The following SHQ1 variants were observed in gnomAD, a reference collection of about 807,000 sequenced individuals.
The protein encoded by SHQ1 is SHQ1, H/ACA ribonucleoprotein assembly factor.
SHQ1 carries 49 observed loss-of-function variants against 53.8 expected under a neutral mutation model. That is an observed-to-expected ratio of 0.91 (90% CI 0.72 to 1.16). The LOEUF (loss-of-function observed/expected upper bound fraction) is 1.16, where lower values mean the gene tolerates loss of function less well. Ranked by LOEUF, SHQ1 falls within the 50% of genes most tolerant of loss-of-function variation. SHQ1 has a pLI of 0.00. For missense variants in SHQ1, 738 were observed against 683.1 expected (o/e 1.08, Z -0.90); for synonymous variants, 243 against 251.0 (o/e 0.97, Z 0.30).
intron 10 of SHQ1, among the ~76,000 whole-genome samples, chr3:72,784,049 G>A (rs1325145244): frequency 1.3e-5 from 2 of 150,962 alleles, no homozygotes; most frequent in African/African-American, 2.4e-5. Context: ...GGTTAACAGA[G>A]AAACCTGGGT....
chr3:72,744,366 C>A (rs1705219899), downstream of SHQ1, among the ~76,000 whole-genome samples: 1 of 152,198 alleles, frequency 6.6e-6, no homozygotes, highest in African/African-American at 2.4e-5. Flanking sequence ...GAAGCAAGAC[C>A]CTTCCCAGAG....
At chr3:72,759,878 A>AT (rs1355965417) in intron 10 of SHQ1, among the ~76,000 whole-genome samples, 2 of 152,238 alleles carry the variant, frequency 1.3e-5, no homozygotes, top group African/African-American at 4.8e-5. Context: ...TAACAAAATT[A>AT]TATTACAGCA....
chr3:72,836,172 T>C (rs1707985244), intron 4 of SHQ1, among the ~76,000 whole-genome samples: 1 of 152,170 alleles, frequency 6.6e-6, no homozygotes, highest in Non-Finnish European at 1.5e-5. Context: ...TCTACTCTCA[T>C]GGGAAGGAGA....
At position 72,750,383 on chromosome 3, in the gene SHQ1, T is replaced by C. The variant is rs372665421; in HGVS notation, c.1635A>G (p.Gln545=). 1.4e-5 allele frequency: 22 copies of C among 1,614,056 alleles called. No individual in the cohort carries two copies. The African/African-American group carries it at 2.3e-4, about 17-fold the overall frequency. Reference sequence around the variant, plus strand: ...CAGAAACCTGAACTGTAGTCTTCAGTTGTTCCCCAAGCTCCTCTATCAGAG... The same window carrying C: ...CAGAAACCTGAACTGTAGTCTTCAGCTGTTCCCCAAGCTCCTCTATCAGAG... The part of the protein sequence containing the change: ...SGPLIEELGE[Q]LKTTVQVSEP... Residue 545 remains glutamine, a synonymous_variant, in exon 11 of 11, where the codon CAA becomes CAG. Coordinates refer to ENST00000325599, the MANE Select transcript of SHQ1 (RefSeq NM_018130.3).
Position 72,750,276 on chromosome 3 carries a change from C to T in SHQ1, c.*8G>A. On this transcript the variant is annotated 3_prime_UTR_variant, in exon 11 of 11. Coordinates refer to ENST00000325599, the MANE Select transcript of SHQ1 (RefSeq NM_018130.3). ...TATTTCTCAACAATGAATAAAACCA[C>T]CTAAGAGTCAATTATTTGGTGTCTG... The T allele has an allele frequency of 6.3e-7, 1 of 1,590,200 alleles. No individual in the cohort carries two copies. The highest frequency in any genetic ancestry group is 8.6e-7 in the Non-Finnish European group (1 of 1,166,372).
intron 3 of SHQ1, among the ~76,000 whole-genome samples, chr3:72,841,809 G>GAA (rs1708185550): frequency 6.6e-6 from 1 of 152,146 alleles, no homozygotes; most frequent in East Asian, 1.9e-4. Context: ...TAGACCCTTC[G>GAA]CAGGCACAGT....
At position 72,771,326 on chromosome 3, in the gene SHQ1, G is replaced by A. The variant is rs146100557; in HGVS notation, c.1182-20490C>T. Among the ~76,000 whole-genome samples the A allele has an allele frequency of 3.1e-3, 470 of 152,298 alleles. 1 individual carries two copies. The highest frequency in any genetic ancestry group is 5.1e-3 in the Non-Finnish European group (350 of 68,038). On this transcript the variant is annotated intron_variant, in intron 10 of 10. Coordinates refer to ENST00000325599, the MANE Select transcript of SHQ1 (RefSeq NM_018130.3). ...TGACAAAGATCAGGAAATAACCTAG[G>A]TGACAGATTCCAGTTCCAAAAAGTT...
chr3:72,847,427 T>C lies in SHQ1; in HGVS notation c.143+771A>G, dbSNP rs1708376166. Among the ~76,000 whole-genome samples the C allele has an allele frequency of 4.7e-5, 7 of 148,144 alleles. No homozygotes were observed. The Admixed American group carries it at 4.8e-4, about 10-fold the overall frequency. On this transcript the variant is annotated intron_variant, in intron 1 of 10. Transcript: ENST00000325599. ...AGCGGGTTCTGTGGAATGGGGTTAATAGCAGTGCTTATCCCTAAGGATCAC... is the reference window on the plus strand; with the variant it reads ...AGCGGGTTCTGTGGAATGGGGTTAACAGCAGTGCTTATCCCTAAGGATCAC...
intron 10 of SHQ1, among the ~76,000 whole-genome samples, chr3:72,776,859 A>G (rs1294845568): frequency 6.6e-6 from 1 of 152,210 alleles, no homozygotes; most frequent in African/African-American, 2.4e-5. Flanking sequence ...CGCATGACAG[A>G]CAAGTAAATC....
chr3:72,820,425 T>C (rs1325049605), intron 6 of SHQ1, among the ~76,000 whole-genome samples: 2 of 152,184 alleles, frequency 1.3e-5, no homozygotes, highest in Non-Finnish European at 2.9e-5. Flanking sequence ...CACAAATGCA[T>C]TTAAATTCTG....
chr3:72,809,379 T>C (rs1340895076), intron 9 of SHQ1, among the ~76,000 whole-genome samples: 1 of 152,036 alleles, frequency 6.6e-6, no homozygotes, highest in African/African-American at 2.4e-5. Flanking sequence ...AGTTATAGGA[T>C]ATATATTATA....
intron 5 of SHQ1, among the ~76,000 whole-genome samples, chr3:72,831,985 G>C (rs1260935240): frequency 6.6e-6 from 1 of 152,132 alleles, no homozygotes; most frequent in Non-Finnish European, 1.5e-5. Context: ...ATGTGGTACA[G>C]GTACATTTAA....
At chr3:72,777,804 A>G (rs1191315461) in intron 10 of SHQ1, among the ~76,000 whole-genome samples, 1 of 152,222 alleles carries the variant, frequency 6.6e-6, no homozygotes, top group Non-Finnish European at 1.5e-5. Flanking sequence ...ACCATTTATT[A>G]GTGGTTCCAC....
At chr3:72,739,554 A>C in the SHQ1 span, among the ~76,000 whole-genome samples, 32,458 of 152,040 alleles carry the variant, frequency 0.21, 3,750 homozygotes, top group Non-Finnish European at 0.25. Context: ...AAGCTACTCA[A>C]CCTCTAACCC....
downstream of SHQ1, among the ~76,000 whole-genome samples, chr3:72,745,297 A>G (rs1355338595): frequency 6.6e-6 from 1 of 152,106 alleles, no homozygotes; most frequent in African/African-American, 2.4e-5. Context: ...CTGTCAACCA[A>G]TTTAGAATGT....
chr3:72,802,744 C>T (rs1706827358), intron 9 of SHQ1, among the ~76,000 whole-genome samples: 1 of 151,996 alleles, frequency 6.6e-6, no homozygotes, highest in African/African-American at 2.4e-5. Context: ...CCTATTAATC[C>T]CTCCTCCCAC....
intron 9 of SHQ1, among the ~76,000 whole-genome samples, chr3:72,801,517 A>AT (rs1358254966): frequency 6.6e-6 from 1 of 152,206 alleles, no homozygotes; most frequent in Non-Finnish European, 1.5e-5. Flanking sequence ...GATATCTCAA[A>AT]TGGCTCATAA....
the SHQ1 span, among the ~76,000 whole-genome samples, chr3:72,727,441 T>G: frequency 1.6e-3 from 236 of 152,210 alleles, 1 homozygote; most frequent in Non-Finnish European, 6.6e-4. Context: ...ACACGTGGAT[T>G]TCCTTATTGG....
the SHQ1 span, among the ~76,000 whole-genome samples, chr3:72,734,616 C>G: frequency 1.9e-4 from 29 of 151,520 alleles, no homozygotes; most frequent in Non-Finnish European, 4.0e-4. Context: ...CATGAACAAC[C>G]TCACATAAAG....
Sources: gnomAD v4.1 joint callset for allele counts (sites outside exome capture counted in the v4.1 genomes callset) on GRCh38, gnomAD v4.1.1 for gene constraint, MANE v1.5 for transcripts, NCBI Gene and HGNC (gene_info 2026-07-23, HGNC 2026-07-21) for gene names.